DIP2A: variants seen among roughly 807,000 people sequenced by gnomAD.
DIP2A encodes DIP2 acetate--CoA ligase A.
DIP2A carries 85 observed loss-of-function variants against 177.4 expected under a neutral mutation model. That is an observed-to-expected ratio of 0.48 (90% CI 0.40 to 0.57). The LOEUF is 0.57. Ranked by LOEUF, DIP2A falls within the 20% of genes least tolerant of loss-of-function variation. The pLI, the probability that DIP2A is intolerant of heterozygous loss-of-function variation, is 0.00. For missense variants in DIP2A, 1,791 were observed against 2,100.2 expected, an observed-to-expected ratio of 0.85 and a Z score of 2.88; for synonymous variants, 886 against 881.8, an observed-to-expected ratio of 1.00 and a Z score of -0.08.
rs2059752650 is a variant in DIP2A at position 46,540,130 on chromosome 21, AT to A, written c.2036+143del. The A allele has an allele frequency of 7.4e-6, 5 of 673,922 alleles. No individual in the cohort carries two copies. In the Admixed American group the frequency reaches 1.4e-4, roughly 18 times the overall value. The allele number at this position is 673,922 out of a possible 1,614,324, so 41.7% of individuals were successfully genotyped here. A position where few individuals can be genotyped will look rare whatever the true frequency, so the allele number is the denominator to read the frequency against. ...AGTACCTTGGTGCCTGGCCCCCCAC[AT>A]TTTGCCGGCTTGGGTTTGTGTGGAG... On this transcript the variant is annotated intron_variant, in intron 17 of 37. Coordinates refer to ENST00000417564, the MANE Select transcript of DIP2A (RefSeq NM_015151.4).
chr21:46,538,560 A>G lies in DIP2A; in HGVS notation c.1879A>G (p.Ser627Gly), dbSNP rs534146111. Residue 627 changes from serine to glycine, a missense_variant, in exon 16 of 38, where the codon AGC becomes GGC. Ser to Gly is a moderately conservative substitution (Grantham distance 56, BLOSUM62 0). Transcript: ENST00000417564. The stretch of plus-strand genomic sequence containing the variant: ...GCGGGGCCAGAGGGACGTCAGCCTC[A>G]GCTCACTGCGCATGCTGATTGTGGC... ...AQRGQRDVSL[S>G]SLRMLIVADG... 3 of 1,564,526 alleles carry G rather than the reference A, an allele frequency of 1.9e-6. No individual in the cohort carries two copies. The highest frequency in any genetic ancestry group is 4.8e-5 in the East Asian group (2 of 41,948).
Position 46,567,566 on chromosome 21 carries a change from C to T in DIP2A, c.4660C>T (p.Arg1554Trp), listed in dbSNP as rs1345714953. Reference sequence around the variant, plus strand: ...GGGTGAGAAGCAGCGCATGCACCTGCGGGACGGCTTCCTGGCTGACCAGCT... The same window carrying T: ...GGGTGAGAAGCAGCGCATGCACCTGTGGGACGGCTTCCTGGCTGACCAGCT... The part of the protein sequence containing the change: ...SRGEKQRMHL[R>W]DGFLADQLDP... The change falls in exon 38 of 38, where the codon CGG becomes TGG. Residue 1554 changes from arginine (R) to tryptophan (W), a missense_variant. Physicochemically the swap from Arg to Trp is moderately radical, Grantham distance 101. Coordinates refer to ENST00000417564, the MANE Select transcript of DIP2A (RefSeq NM_015151.4). 1.9e-6 allele frequency: 3 copies of T among 1,612,858 alleles called. No homozygotes were observed. Among genetic ancestry groups the T allele is most frequent in the Non-Finnish European group, 8.5e-7 (1 of 1,179,270 alleles).
intron 1 of DIP2A, among the ~76,000 whole-genome samples, chr21:46,484,161 C>T (rs1286790168): frequency 6.6e-6 from 1 of 152,146 alleles, no homozygotes; most frequent in Non-Finnish European, 1.5e-5. Flanking sequence ...ACAGGAGTTA[C>T]TGGAGGATCT....
At chr21:46,509,236 C>A in intron 6 of DIP2A, 21 bp from the exon 7 acceptor site, 1 of 1,606,564 alleles carries the variant, frequency 6.2e-7, no homozygotes, top group South Asian at 1.1e-5. Flanking sequence ...CCTCAGTGCT[C>A]CTCTGTCCTT....
Position 46,537,835 on chromosome 21 carries a change from A to G in DIP2A, c.1801+296A>G, listed in dbSNP as rs2059636921. ...CTGGGACCAAGCAGGAGGCCCCAGCATGGCCACACCTGCACAGTTGGCAGT... is the reference window on the plus strand; with the variant it reads ...CTGGGACCAAGCAGGAGGCCCCAGCGTGGCCACACCTGCACAGTTGGCAGT... On this transcript the variant is annotated intron_variant, in intron 15 of 37. Coordinates refer to ENST00000417564, the MANE Select transcript of DIP2A (RefSeq NM_015151.4). This position sits in a 1 kb window ranked among gnomAD's most constrained non-coding sequence, Gnocchi z 4.1. 6.6e-6 allele frequency among the ~76,000 whole-genome samples: 1 copy of G among 152,152 alleles called. No individual in the cohort carries two copies. Among genetic ancestry groups the G allele is most frequent in the African/African-American group, 2.4e-5 (1 of 41,428 alleles).
intron 1 of DIP2A, among the ~76,000 whole-genome samples, chr21:46,468,297 G>A (rs1372907634): frequency 1.3e-5 from 2 of 149,718 alleles, no homozygotes; most frequent in African/African-American, 4.9e-5. Flanking sequence ...GTGTGGTGGT[G>A]CACGCCTATA....
At chr21:46,502,052 A>G (rs747457548) in intron 5 of DIP2A, among the ~76,000 whole-genome samples, 1 of 152,226 alleles carries the variant, frequency 6.6e-6, no homozygotes, top group East Asian at 1.9e-4. Flanking sequence ...CATTGTACCT[A>G]GGAGTACCAC....
intron 17 of DIP2A, among the ~76,000 whole-genome samples, chr21:46,540,205 C>T (rs1276776302): frequency 3.3e-5 from 5 of 152,214 alleles, no homozygotes; most frequent in South Asian, 2.1e-4. Flanking sequence ...TGCAGAATGC[C>T]GGCTTGCGAT....
chr21:46,583,715 A>G, the DIP2A span, among the ~76,000 whole-genome samples: 1 of 152,336 alleles, frequency 6.6e-6, no homozygotes, highest in East Asian at 1.9e-4. Flanking sequence ...GAGTACTGTT[A>G]TAAAAGGGCA....
chr21:46,549,635 T>C, intron 21 of DIP2A, 136 bp from the exon 22 acceptor site: 2 of 1,458,964 alleles, frequency 1.4e-6, no homozygotes, highest in African/African-American at 1.4e-5. Flanking sequence ...TTTTTGAATG[T>C]GCAGCAGGTA....
chr21:46,469,519 G>A (rs981188324), intron 1 of DIP2A, among the ~76,000 whole-genome samples: 4 of 152,226 alleles, frequency 2.6e-5, no homozygotes, highest in Non-Finnish European at 5.9e-5. Flanking sequence ...TGTGGAGCTC[G>A]ATGACGTACA....
At chr21:46,545,790 G>T (rs370570276) in intron 19 of DIP2A, 91 bp from the exon 20 acceptor site, 4 of 1,446,856 alleles carry the variant, frequency 2.8e-6, no homozygotes, top group South Asian at 2.4e-5. Context: ...AGGCGCACAC[G>T]TGGTGCTGAG....
intron 6 of DIP2A, among the ~76,000 whole-genome samples, chr21:46,507,163 C>CT (rs1186588274): frequency 2.0e-5 from 3 of 152,246 alleles, no homozygotes; most frequent in Middle Eastern, 3.4e-3. Flanking sequence ...TTTGTATTTT[C>CT]TCCCAGTCTG....
At chr21:46,570,453 T>C (rs72613656), downstream of DIP2A, among the ~76,000 whole-genome samples, 11,239 of 152,308 alleles carry the variant, frequency 0.074, 655 homozygotes, top group East Asian at 0.34. Context: ...TTGGCAGTCC[T>C]TATGGTCAAG....
intron 28 of DIP2A, among the ~76,000 whole-genome samples, 187 bp downstream of exon 28, chr21:46,555,120 G>A (rs925702065): frequency 2.0e-5 from 3 of 152,160 alleles, no homozygotes; most frequent in Non-Finnish European, 4.4e-5. Context: ...GTAAACCCAC[G>A]CTCCACTCAG....
rs1174496243 is a variant in DIP2A at position 46,558,325 on chromosome 21, C to T, written c.3901C>T (p.Leu1301=). The part of the protein sequence containing the change: ...TQSFSKLFKD[L]GLPARAVSTT... ...GTCCTTCTCCAAGCTCTTCAAGGAC[C>T]TGGGCCTGCCGGCCCGCGCCGTAAG... The change falls in exon 32 of 38, where the codon CTG becomes TTG. Residue 1301 remains leucine (L), a synonymous_variant. Transcript: ENST00000417564. 2 of 1,593,726 alleles carry T rather than the reference C, an allele frequency of 1.3e-6. No homozygotes were observed. The highest frequency in any genetic ancestry group is 2.7e-5 in the African/African-American group (2 of 74,462).
intron 11 of DIP2A, 36 bp from the exon 12 acceptor site, chr21:46,533,968 C>A: frequency 6.4e-7 from 1 of 1,570,604 alleles, no homozygotes; most frequent in Non-Finnish European, 8.7e-7. Flanking sequence ...ATGCCTCTGA[C>A]TGCTTGCTGT....
In DIP2A at chr21:46,497,037, G is replaced by A; in HGVS notation, c.333G>A (p.Arg111=). ...CAGCTTTGGCCAAATACAAAGAGAG[G>A]AAGATGCCTATGCCTTCGAAGAGAC... ...VQAALAKYKE[R]KMPMPSKRRS... Residue 111 remains arginine (R), a synonymous_variant, in exon 4 of 38, where the codon AGG becomes AGA. Coordinates refer to ENST00000417564, the MANE Select transcript of DIP2A (RefSeq NM_015151.4). 1 of 1,613,958 alleles carries A rather than the reference G, an allele frequency of 6.2e-7. No individual in the cohort carries two copies. Among genetic ancestry groups the A allele is most frequent in the Non-Finnish European group, 8.5e-7 (1 of 1,179,868 alleles).
At chr21:46,493,477 G>A (rs1158878647) in intron 3 of DIP2A, among the ~76,000 whole-genome samples, 5 of 151,950 alleles carry the variant, frequency 3.3e-5, no homozygotes, top group African/African-American at 1.2e-4. Context: ...AATGCTTTTC[G>A]AACCTTGTAT....
Sources: allele counts gnomAD v4.1 joint callset (sites outside exome capture counted in the v4.1 genomes callset), GRCh38; gene constraint gnomAD v4.1.1; non-coding constraint Gnocchi (gnomAD v3.1); transcripts MANE v1.5; gene names NCBI Gene and HGNC (gene_info 2026-07-23, HGNC 2026-07-21).